SHLD1: variants seen among roughly 807,000 people sequenced by gnomAD.
SHLD1 encodes shieldin complex subunit 1, also known as RINN1-REV7-interacting novel NHEJ regulator 3.
Under a neutral mutation model 5.5 loss-of-function variants are expected in SHLD1, and 3 were observed. The ratio of observed to expected loss-of-function variants is 0.54; its 90% CI spans 0.25 to 1.40. The LOEUF is 1.40. Ranked by LOEUF, SHLD1 falls within the 40% of genes most tolerant of loss-of-function variation. SHLD1 has a pLI of 0.15. For synonymous variants in SHLD1, 92 were observed against 94.3 expected (o/e 0.98, Z 0.14); for missense variants, 210 against 244.4 (o/e 0.86, Z 0.94).
chr20:5,826,202 A>C (rs1055980509), intron 2 of SHLD1, among the ~76,000 whole-genome samples: 2 of 152,228 alleles, frequency 1.3e-5, no homozygotes, highest in Non-Finnish European at 2.9e-5. Context: ...GATGGTAACA[A>C]AATATAATTA....
intron 2 of SHLD1, among the ~76,000 whole-genome samples, chr20:5,805,729 T>A (rs1381476561): frequency 6.6e-6 from 1 of 152,034 alleles, no homozygotes; most frequent in Non-Finnish European, 1.5e-5. Flanking sequence ...GTCTCCCGAG[T>A]AGCTGTGATT....
intron 2 of SHLD1, among the ~76,000 whole-genome samples, chr20:5,773,685 G>A (rs774718502): frequency 6.6e-6 from 1 of 151,958 alleles, no homozygotes; most frequent in African/African-American, 2.4e-5. Flanking sequence ...AATCCCCTGG[G>A]TTTATCACAC....
At chr20:5,786,107 TTGTC>T (rs934888166) in intron 2 of SHLD1, among the ~76,000 whole-genome samples, 5 of 152,184 alleles carry the variant, frequency 3.3e-5, no homozygotes, top group African/African-American at 1.2e-4. Flanking sequence ...CCTTTGACCT[TTGTC>T]TGCCCTCTTG....
At chr20:5,828,126 A>G (rs388540) in intron 2 of SHLD1, among the ~76,000 whole-genome samples, 112,068 of 152,156 alleles carry the variant, frequency 0.74, 43,298 homozygotes, top group Non-Finnish European at 0.86. Context: ...GTCACTCCCT[A>G]ACTTGCCTCC....
At chr20:5,789,409 T>G (rs1177110084) in intron 2 of SHLD1, among the ~76,000 whole-genome samples, 1 of 151,552 alleles carries the variant, frequency 6.6e-6, no homozygotes, top group Non-Finnish European at 1.5e-5. Flanking sequence ...AAACCCTGTC[T>G]CTACTAAAGA....
chr20:5,829,624 A>G (rs2087705240), intron 2 of SHLD1, among the ~76,000 whole-genome samples: 2 of 152,222 alleles, frequency 1.3e-5, no homozygotes, highest in African/African-American at 4.8e-5. Context: ...GTTGCAAATT[A>G]ATTGCCTCTT....
chr20:5,841,256 T>C (rs2087856400), intron 2 of SHLD1, among the ~76,000 whole-genome samples: 2 of 152,104 alleles, frequency 1.3e-5, no homozygotes, highest in African/African-American at 4.8e-5. Context: ...CATTTACATA[T>C]AGTAAAGTAC....
chr20:5,822,477 AAAAT>A (rs1402638965), intron 2 of SHLD1, among the ~76,000 whole-genome samples: 1 of 151,910 alleles, frequency 6.6e-6, no homozygotes, highest in Non-Finnish European at 1.5e-5. Context: ...TAATTAATTA[AAAAT>A]AAATAAATGA....
intron 2 of SHLD1, among the ~76,000 whole-genome samples, chr20:5,778,604 CAAA>C (rs59026745): frequency 6.2e-5 from 6 of 96,746 alleles, no homozygotes; most frequent in African/African-American, 1.3e-4. Context: ...AAGACCTTGT[CAAA>C]AAAAAAAAAA....
At chr20:5,832,215 A>G (rs1167795989) in intron 2 of SHLD1, among the ~76,000 whole-genome samples, 1 of 152,240 alleles carries the variant, frequency 6.6e-6, no homozygotes, top group Non-Finnish European at 1.5e-5. Flanking sequence ...TGCTGGGATT[A>G]CAAGCATGAG....
At chr20:5,773,735 A>C (rs1037432235) in intron 2 of SHLD1, among the ~76,000 whole-genome samples, 2 of 152,236 alleles carry the variant, frequency 1.3e-5, no homozygotes, top group African/African-American at 4.8e-5. Context: ...CTTGCTGGCT[A>C]TGTGACTTGG....
At chr20:5,811,301 C>T (rs539549236) in intron 2 of SHLD1, among the ~76,000 whole-genome samples, 8 of 152,164 alleles carry the variant, frequency 5.3e-5, no homozygotes, top group South Asian at 2.1e-4. Flanking sequence ...TGTGATCTAG[C>T]GAAGTCATAG....
In SHLD1 at chr20:5,772,983, A is replaced by G. The variant is rs1846482017; in HGVS notation, c.118A>G (p.Ser40Gly). Reference protein sequence around the residue: ...VLQGPSQEANSEAFSSLEFHS... With the variant: ...VLQGPSQEANGEAFSSLEFHS... The stretch of plus-strand genomic sequence containing the variant: ...GCAGGGACCCAGCCAAGAAGCCAAC[A>G]GCGAGGCTTTCAGTTCTTTGGAATT... Residue 40 changes from serine to glycine, a missense_variant, in exon 2 of 3, where the codon AGC becomes GGC. Ser to Gly is a moderately conservative substitution (Grantham distance 56). Transcript: ENST00000303142. 1 of 1,614,086 alleles carries G rather than the reference A, an allele frequency of 6.2e-7. No homozygotes were observed. The highest frequency in any genetic ancestry group is 1.1e-5 in the South Asian group (1 of 91,086).
rs201211193 is a variant in SHLD1 at position 5,773,004 on chromosome 20, G to A, written c.139G>A (p.Glu47Lys). The A allele has an allele frequency of 2.5e-6, 4 of 1,614,150 alleles. No individual in the cohort carries two copies. The East Asian group carries it at 6.7e-5, about 27-fold the overall frequency. ...EANSEAFSSLEFHSFPYSSDV... is the reference protein window; with the variant it reads ...EANSEAFSSLKFHSFPYSSDV... Reference sequence around the variant, plus strand: ...CAACAGCGAGGCTTTCAGTTCTTTGGAATTCCATTCTTTTCCTTATTCTTC... The same window carrying A: ...CAACAGCGAGGCTTTCAGTTCTTTGAAATTCCATTCTTTTCCTTATTCTTC... Residue 47 changes from glutamate (E) to lysine (K), a missense_variant, in exon 2 of 3, where the codon GAA becomes AAA. Physicochemically the swap from Glu to Lys is moderately conservative, Grantham distance 56. Coordinates refer to ENST00000303142, the MANE Select transcript of SHLD1 (RefSeq NM_152504.4).
intron 2 of SHLD1, among the ~76,000 whole-genome samples, chr20:5,800,926 G>A (rs6116960): frequency 0.34 from 52,196 of 151,930 alleles, 9,350 homozygotes; most frequent in East Asian, 0.65. Flanking sequence ...GAGCATCATT[G>A]AAAGGCTGTG....
chr20:5,790,867 A>T (rs1029737384), intron 2 of SHLD1, among the ~76,000 whole-genome samples: 1 of 152,200 alleles, frequency 6.6e-6, no homozygotes, highest in Non-Finnish European at 1.5e-5. Context: ...ACTTGAATGA[A>T]AAAAGACAGT....
intron 2 of SHLD1, among the ~76,000 whole-genome samples, chr20:5,817,309 A>G (rs1031536827): frequency 7.2e-5 from 11 of 152,128 alleles, no homozygotes; most frequent in South Asian, 2.1e-4. Flanking sequence ...TATAAAAAGT[A>G]TCAAAGTTTG....
At chr20:5,834,801 A>G (rs181409542) in intron 2 of SHLD1, among the ~76,000 whole-genome samples, 1 of 152,210 alleles carries the variant, frequency 6.6e-6, no homozygotes, top group Non-Finnish European at 1.5e-5. Context: ...TCCAAGATCA[A>G]GGTGCTAACA....
intron 1 of SHLD1, among the ~76,000 whole-genome samples, chr20:5,760,843 T>C (rs1984421217): frequency 6.6e-6 from 1 of 152,096 alleles, no homozygotes; most frequent in African/African-American, 2.4e-5. Flanking sequence ...ATTTTAGTAT[T>C]CATTTAGTGA....
Sources: allele counts gnomAD v4.1 joint callset (sites outside exome capture counted in the v4.1 genomes callset), GRCh38; gene constraint gnomAD v4.1.1; transcripts MANE v1.5; gene names NCBI Gene and HGNC (gene_info 2026-07-23, HGNC 2026-07-21).